Variants in ANKRD31 observed in about 807,000 individuals in gnomAD.
ANKRD31 encodes the protein ankyrin repeat domain-containing protein 31.
Under a neutral mutation model 186.0 loss-of-function variants are expected in ANKRD31, and 147 were observed. That is an observed-to-expected ratio of 0.79 (90% confidence interval 0.69 to 0.91). The LOEUF (loss-of-function observed/expected upper bound fraction) is 0.91. Among genes scored for constraint, ANKRD31 ranks in the 40% least tolerant of loss-of-function variants. ANKRD31 has a pLI of 0.00. For synonymous variants in ANKRD31, 673 were observed against 736.4 expected (o/e 0.91, Z 1.39); for missense variants, 1,986 against 2,148.8 (o/e 0.92, Z 1.50).
chr5:75,073,742 A>G (rs907823171), intron 25 of ANKRD31, among the ~76,000 whole-genome samples: 33 of 152,246 alleles, frequency 2.2e-4, no homozygotes, highest in Non-Finnish European at 4.6e-4. Context: ...GTAAAGTGTT[A>G]GTCAATAATA....
intron 2 of ANKRD31, 117 bp downstream of exon 2, chr5:75,230,445 G>T (rs999977595): frequency 1.5e-6 from 1 of 689,628 alleles, no homozygotes; most frequent in Non-Finnish European, 2.3e-6. Context: ...TGGTAAAATT[G>T]GTTTCCTTAT....
At chr5:75,214,626 T>A (rs1385305423) in intron 3 of ANKRD31, among the ~76,000 whole-genome samples, 6 of 152,192 alleles carry the variant, frequency 3.9e-5, no homozygotes, top group Admixed American at 2.6e-4. Context: ...AACAAGCCTG[T>A]GGTTATTTAT....
intron 20 of ANKRD31, among the ~76,000 whole-genome samples, chr5:75,112,178 C>T (rs1747842466): frequency 6.6e-6 from 1 of 152,120 alleles, no homozygotes; most frequent in African/African-American, 2.4e-5. Flanking sequence ...GTAAGCTCCG[C>T]CTCCAGGGTT....
intron 14 of ANKRD31, among the ~76,000 whole-genome samples, chr5:75,145,652 A>C (rs950727821): frequency 6.6e-6 from 1 of 152,078 alleles, no homozygotes; most frequent in African/African-American, 2.4e-5. Context: ...TGATGGGTGC[A>C]GCAAACCACC....
At position 75,069,553 on chromosome 5, in the gene ANKRD31, G is replaced by GT. The variant is rs1017448325; in HGVS notation, c.5648-890dup. ...TTTTTGTTTTTGTTTTTGTTTTTTG[G>GT]TTTTTTTTTTGAGATGGAGTCTCAC... On this transcript the variant is annotated intron_variant, in intron 25 of 25. Coordinates refer to ENST00000506364, the MANE Select transcript of ANKRD31 (RefSeq NM_001372053.1). 3.3e-3 allele frequency among the ~76,000 whole-genome samples: 484 copies of GT among 147,760 alleles called. 3 individuals are homozygous for GT. Among genetic ancestry groups the GT allele is most frequent in the African/African-American group, 0.01 (408 of 40,446 alleles).
intron 24 of ANKRD31, among the ~76,000 whole-genome samples, chr5:75,083,815 A>C (rs1025359054): frequency 1.3e-5 from 2 of 152,228 alleles, no homozygotes; most frequent in African/African-American, 4.8e-5. Flanking sequence ...ATATAATGGA[A>C]TATTATTCAG....
At chr5:75,126,106 T>C (rs1417889799) in intron 17 of ANKRD31, among the ~76,000 whole-genome samples, 3 of 152,210 alleles carry the variant, frequency 2.0e-5, no homozygotes, top group Non-Finnish European at 4.4e-5. Context: ...AGTTTTTGTG[T>C]CTGGTCTCTT....
Position 75,105,210 on chromosome 5 carries a change from A to G in ANKRD31, c.4349T>C (p.Ile1450Thr), listed in dbSNP as rs778216125. The G allele has an allele frequency of 1.1e-5, 17 of 1,508,708 alleles. No homozygotes were observed. In the South Asian group the frequency reaches 1.5e-4, roughly 14 times the overall value. 93.5% of individuals were successfully genotyped at this position (1,508,708 alleles called of 1,614,324 possible). A position where few individuals can be genotyped will look rare whatever the true frequency, so the allele number is the denominator to read the frequency against. ...CAGGGCTCCATGCTTAAATGACTCTATGGATACCCTATAGGAAGAAACAGA... is the reference window on the plus strand; with the variant it reads ...CAGGGCTCCATGCTTAAATGACTCTGTGGATACCCTATAGGAAGAAACAGA... ...DDLAKKYRVS[I>T]ESFKHGALRE... Residue 1450 changes from isoleucine to threonine, a missense_variant, in exon 22 of 26, where the codon ATA becomes ACA. Physicochemically the swap from Ile to Thr is moderately conservative, Grantham distance 89 (BLOSUM62 -1). Transcript: ENST00000506364.
At chr5:75,220,848 C>T (rs556295567) in intron 3 of ANKRD31, among the ~76,000 whole-genome samples, 2 of 152,134 alleles carry the variant, frequency 1.3e-5, no homozygotes, top group East Asian at 3.9e-4. Context: ...GCTTGTAACC[C>T]CAGCACTTTG....
intron 3 of ANKRD31, 52 bp downstream of exon 3, chr5:75,222,197 G>A (rs897668496): frequency 2.9e-5 from 38 of 1,319,208 alleles, no homozygotes; most frequent in Admixed American, 9.8e-5. Context: ...CACTCTGAGC[G>A]ATAGCATTTC....
intron 22 of ANKRD31, among the ~76,000 whole-genome samples, chr5:75,092,792 A>C (rs1746024245): frequency 6.6e-6 from 1 of 152,230 alleles, no homozygotes; most frequent in Admixed American, 6.5e-5. Flanking sequence ...GATTTAACAA[A>C]GACTTCAAAA....
chr5:75,075,006 T>C (rs909352210), intron 25 of ANKRD31, among the ~76,000 whole-genome samples: 1 of 152,262 alleles, frequency 6.6e-6, no homozygotes, highest in Non-Finnish European at 1.5e-5. Flanking sequence ...TGTTTGCTTT[T>C]TCTTTTCTTA....
At chr5:75,136,312 T>C (rs1330394142) in intron 17 of ANKRD31, among the ~76,000 whole-genome samples, 1 of 151,892 alleles carries the variant, frequency 6.6e-6, no homozygotes. Context: ...TAAACAAATT[T>C]ACAAGAAAAA....
chr5:75,236,556 A>G, intron 1 of ANKRD31, 27 bp downstream of exon 1: 1 of 1,532,116 alleles, frequency 6.5e-7, no homozygotes, highest in Non-Finnish European at 8.7e-7. Context: ...GCGAGGGTTC[A>G]GGCACTGTGG....
intron 1 of ANKRD31, among the ~76,000 whole-genome samples, chr5:75,231,822 G>A (rs1040987006): frequency 6.6e-6 from 1 of 151,870 alleles, no homozygotes; most frequent in Non-Finnish European, 1.5e-5. Context: ...CAGGAAGATG[G>A]CTTGAGGCCA....
intron 11 of ANKRD31, among the ~76,000 whole-genome samples, chr5:75,155,623 G>C (rs1486276007): frequency 6.6e-6 from 1 of 152,122 alleles, no homozygotes; most frequent in African/African-American, 2.4e-5. Context: ...GGGCAGGAAG[G>C]ATATGGTGAG....
chr5:75,136,955 A>T (rs1750631912), intron 17 of ANKRD31, among the ~76,000 whole-genome samples: 1 of 151,884 alleles, frequency 6.6e-6, no homozygotes, highest in African/African-American at 2.4e-5. Context: ...TTAGGTGGGA[A>T]CTGATCAATG....
chr5:75,093,669 A>C (rs922723256), intron 22 of ANKRD31, among the ~76,000 whole-genome samples: 29 of 152,204 alleles, frequency 1.9e-4, no homozygotes, highest in African/African-American at 6.8e-4. Flanking sequence ...CTCATCATTT[A>C]CAAGGGAAAC....
chr5:75,146,263 C>T lies in ANKRD31; in HGVS notation c.3148G>A (p.Asp1050Asn). ...RAPTFLMNQT[D>N]THIVEKMAKN... The stretch of plus-strand genomic sequence containing the variant: ...GCCATCTTTTCCACAATATGTGTAT[C>T]TGTTTGATTCATTAAAAAAGTTGGT... The change falls in exon 14 of 26, where the codon GAT becomes AAT. Residue 1050 changes from aspartate (D) to asparagine (N), a missense_variant. Transcript: ENST00000506364. The T allele has an allele frequency of 6.5e-7, 1 of 1,536,420 alleles. No individual in the cohort carries two copies. Among genetic ancestry groups the T allele is most frequent in the Non-Finnish European group, 8.7e-7 (1 of 1,146,438 alleles).
Sources: allele counts gnomAD v4.1 joint callset (sites outside exome capture counted in the v4.1 genomes callset), GRCh38; gene constraint gnomAD v4.1.1; transcripts MANE v1.5; gene names NCBI Gene and HGNC (gene_info 2026-07-23, HGNC 2026-07-21).